Variants in LRP1B observed in about 807,000 individuals in gnomAD.
The protein encoded by LRP1B is low-density lipoprotein receptor-related protein 1B.
Under a neutral mutation model 556.6 loss-of-function variants are expected in LRP1B, and 217 were observed. The observed-to-expected ratio is 0.39, with a 90% CI of 0.35 to 0.44. The LOEUF is 0.44. Among genes scored for constraint, LRP1B ranks in the 20% least tolerant of loss-of-function variants. LRP1B has a pLI of 1.00. For missense variants in LRP1B, 5,053 were observed against 5,620.8 expected, an observed-to-expected ratio of 0.90 and a Z score of 3.23; for synonymous variants, 2,047 against 1,865.8, an observed-to-expected ratio of 1.10 and a Z score of -2.50.
intron 2 of LRP1B, among the ~76,000 whole-genome samples, chr2:141,646,872 C>T (rs566722624): frequency 4.6e-5 from 7 of 152,066 alleles, no homozygotes; most frequent in South Asian, 2.1e-4. Context: ...ATGATCATGC[C>T]GTGGAGACTA....
intron 32 of LRP1B, among the ~76,000 whole-genome samples, chr2:140,800,969 G>A (rs1690488045): frequency 6.6e-6 from 1 of 151,934 alleles, no homozygotes; most frequent in Non-Finnish European, 1.5e-5. Context: ...TTATGGCCAT[G>A]GTCATTTTAC....
chr2:140,522,598 A>C (rs1306403089), intron 49 of LRP1B, among the ~76,000 whole-genome samples: 1 of 151,898 alleles, frequency 6.6e-6, no homozygotes, highest in Non-Finnish European at 1.5e-5. Context: ...GAGACCCCCA[A>C]AACTATACAA....
intron 32 of LRP1B, among the ~76,000 whole-genome samples, chr2:140,788,384 ACTT>A (rs1337392910): frequency 2.0e-5 from 3 of 152,072 alleles, no homozygotes; most frequent in African/African-American, 7.2e-5. Flanking sequence ...ATTTTACACT[ACTT>A]CTCTTGTGTC....
chr2:142,031,712 A>G (rs949125136), intron 1 of LRP1B, among the ~76,000 whole-genome samples: 1 of 151,438 alleles, frequency 6.6e-6, no homozygotes, highest in African/African-American at 2.4e-5. Context: ...CTCTACGTCC[A>G]TTGTTCAACA....
intron 11 of LRP1B, among the ~76,000 whole-genome samples, chr2:141,048,224 G>A (rs779495434): frequency 8.6e-5 from 13 of 151,994 alleles, no homozygotes; most frequent in East Asian, 1.9e-4. Flanking sequence ...TATACATGAG[G>A]AAACAGGTCC....
intron 29 of LRP1B, among the ~76,000 whole-genome samples, chr2:140,842,853 T>G (rs114515051): frequency 0.018 from 2,787 of 152,160 alleles, 84 homozygotes; most frequent in African/African-American, 0.064. Context: ...TTCTTACCTG[T>G]GAAATGGGCT....
intron 66 of LRP1B, among the ~76,000 whole-genome samples, chr2:140,439,311 G>C (rs1296526867): frequency 6.6e-6 from 1 of 152,190 alleles, no homozygotes; most frequent in African/African-American, 2.4e-5. Flanking sequence ...TACAAGAGCA[G>C]TCAGCCTCTA....
chr2:140,405,989 C>G (rs1205755569), intron 66 of LRP1B, among the ~76,000 whole-genome samples: 1 of 152,080 alleles, frequency 6.6e-6, no homozygotes, highest in African/African-American at 2.4e-5. Flanking sequence ...AAAGATAATA[C>G]ATCATGAGCA....
chr2:140,847,346 A>G (rs537625330), intron 29 of LRP1B, among the ~76,000 whole-genome samples: 52 of 151,872 alleles, frequency 3.4e-4, no homozygotes, highest in African/African-American at 1.2e-3. Flanking sequence ...TTAAAAACTT[A>G]TCTTATAAAG....
chr2:140,579,393 T>C (rs1681668287), intron 43 of LRP1B, among the ~76,000 whole-genome samples: 1 of 152,022 alleles, frequency 6.6e-6, no homozygotes, highest in Non-Finnish European at 1.5e-5. Context: ...GATAGCTGGA[T>C]TAGGTCCCTA....
chr2:141,710,494 G>C (rs1412320685), intron 2 of LRP1B, among the ~76,000 whole-genome samples: 1 of 152,096 alleles, frequency 6.6e-6, no homozygotes, highest in Non-Finnish European at 1.5e-5. Context: ...TTTGAGCATG[G>C]AAATGTGATA....
At chr2:140,684,060 A>G (rs900813424) in intron 41 of LRP1B, among the ~76,000 whole-genome samples, 2 of 152,200 alleles carry the variant, frequency 1.3e-5, no homozygotes, top group African/African-American at 4.8e-5. Context: ...CATTCTGAAT[A>G]TATATTTTAA....
At chr2:140,791,960 T>G (rs1298270765) in intron 32 of LRP1B, among the ~76,000 whole-genome samples, 2 of 152,224 alleles carry the variant, frequency 1.3e-5, no homozygotes, top group African/African-American at 4.8e-5. Context: ...CTGAAGGTGA[T>G]ATAAATTTCC....
chr2:141,633,386 CAG>C (rs1688982839), intron 2 of LRP1B, among the ~76,000 whole-genome samples: 1 of 152,072 alleles, frequency 6.6e-6, no homozygotes, highest in African/African-American at 2.4e-5. Context: ...ACCCTTGAGA[CAG>C]AGATTTTACT....
At chr2:140,763,488 A>T (rs146063256) in intron 35 of LRP1B, among the ~76,000 whole-genome samples, 1 of 152,254 alleles carries the variant, frequency 6.6e-6, no homozygotes, top group African/African-American at 2.4e-5. Context: ...AGGGGTGCTG[A>T]GTGCCTGAAG....
In LRP1B at chr2:141,449,203, G is replaced by A. The variant is rs139997505; in HGVS notation, c.343+31193C>T. ...CAGAAATGTATTAAGACTAATCTGC[G>A]CTATAAATCCTAAATTTTTGCTTAA... On this transcript the variant is annotated intron_variant, in intron 3 of 90. Coordinates refer to ENST00000389484, the MANE Select transcript of LRP1B (RefSeq NM_018557.3). Among the ~76,000 whole-genome samples, 213 of 152,178 alleles carry A rather than the reference G, an allele frequency of 1.4e-3. 2 individuals are homozygous for A. The highest frequency in any genetic ancestry group is 2.7e-3 in the Non-Finnish European group (186 of 68,002).
intron 7 of LRP1B, among the ~76,000 whole-genome samples, chr2:141,092,525 T>C (rs1212593615): frequency 6.6e-6 from 1 of 152,220 alleles, no homozygotes; most frequent in Non-Finnish European, 1.5e-5. Flanking sequence ...TAATCACCTA[T>C]AGCTGTTATT....
intron 1 of LRP1B, among the ~76,000 whole-genome samples, chr2:141,955,144 G>C (rs766018561): frequency 4.6e-5 from 7 of 152,116 alleles, no homozygotes; most frequent in Admixed American, 2.0e-4. Flanking sequence ...AGGATGCCCA[G>C]TTAAATTTGA....
At chr2:141,397,389 T>C (rs937912100) in intron 3 of LRP1B, among the ~76,000 whole-genome samples, 1 of 151,770 alleles carries the variant, frequency 6.6e-6, no homozygotes, top group Non-Finnish European at 1.5e-5. Flanking sequence ...TACTAACATA[T>C]CTATGTATCC....
Sources: gnomAD v4.1 joint callset for allele counts (sites outside exome capture counted in the v4.1 genomes callset) on GRCh38, gnomAD v4.1.1 for gene constraint, MANE v1.5 for transcripts, NCBI Gene and HGNC (gene_info 2026-07-23, HGNC 2026-07-21) for gene names.